AJUBA: variants seen among roughly 807,000 people sequenced by gnomAD.
AJUBA encodes the protein LIM domain-containing protein ajuba.
In AJUBA, 20 loss-of-function variants were observed where a neutral mutation model predicts 53.3. The observed-to-expected ratio is 0.38, with a 90% CI of 0.26 to 0.55. The LOEUF is 0.55. Among genes scored for constraint, AJUBA ranks in the 20% least tolerant of loss-of-function variants. AJUBA has a pLI of 0.80. For missense variants in AJUBA, 580 were observed against 730.5 expected (o/e 0.79, Z 2.38); for synonymous variants, 296 against 306.2 (o/e 0.97, Z 0.35).
At chr14:22,978,556 G>A (rs2045059232) in intron 1 of AJUBA, 111 bp from the exon 2 acceptor site, 1 of 1,496,702 alleles carries the variant, frequency 6.7e-7, no homozygotes. Flanking sequence ...TCCCTTTGAT[G>A]GGCTCCCTTC....
In AJUBA at chr14:22,974,979, G is replaced by A. The variant is rs1387088984; in HGVS notation, c.1365C>T (p.Tyr455=). The change falls in exon 5 of 8, where the codon TAC becomes TAT. Residue 455 remains tyrosine (Y), a synonymous_variant. Coordinates refer to ENST00000262713, the MANE Select transcript of AJUBA (RefSeq NM_032876.6). Reference sequence around the variant, plus strand: ...ATCCCAAGGGGCAGACTCACTTGTGGTAGTCGGTGACACAGTATACTTGGT... The same window carrying A: ...ATCCCAAGGGGCAGACTCACTTGTGATAGTCGGTGACACAGTATACTTGGT... ...FSNQVYCVTD[Y]HKNYAPKCAA... 1 of 1,614,192 alleles carries A rather than the reference G, an allele frequency of 6.2e-7. No individual in the cohort carries two copies. Among genetic ancestry groups the A allele is most frequent in the Non-Finnish European group, 8.5e-7 (1 of 1,179,998 alleles).
In AJUBA at chr14:22,981,437, T is replaced by C; in HGVS notation, c.830A>G (p.Gln277Arg). ...GCGAAGCAAAGCTGTTAGCTCGTCC[T>C]GGTACCGGGCGCCCACGGCGCAGTC... ...YGDCAVGARYQDELTALLRLT... is the reference protein window; with the variant it reads ...YGDCAVGARYRDELTALLRLT... The change falls in exon 1 of 8, where the codon CAG (glutamine) becomes CGG (arginine). Residue 277 changes from glutamine (Q) to arginine (R), a missense_variant. Transcript: ENST00000262713. 1 of 1,611,444 alleles carries C rather than the reference T, an allele frequency of 6.2e-7. No individual in the cohort carries two copies. Among genetic ancestry groups the C allele is most frequent in the South Asian group, 1.1e-5 (1 of 90,874 alleles).
chr14:22,979,330 C>T lies in AJUBA; in HGVS notation c.1007-885G>A, dbSNP rs1341983665. ...AGCAGATCCCAACGGGCCTGCCCCA[C>T]CTCTCCCCCTCGGCACGCTGCCACA... On this transcript the variant is annotated intron_variant, in intron 1 of 7. Transcript: ENST00000262713. This position sits in a 1 kb window ranked among gnomAD's most constrained non-coding sequence, Gnocchi z 4.0. Among the ~76,000 whole-genome samples the T allele has an allele frequency of 6.6e-6, 1 of 152,226 alleles. No homozygotes were observed. The highest frequency in any genetic ancestry group is 2.1e-4 in the South Asian group (1 of 4,834).
At chr14:22,978,868 A>C in intron 1 of AJUBA, 1 of 1,272,514 alleles carries the variant, frequency 7.9e-7, no homozygotes. Context: ...TACTTTCTAG[A>C]GAAAGCAGGC....
intron 4 of AJUBA, among the ~76,000 whole-genome samples, chr14:22,976,153 A>G (rs560203478): frequency 6.6e-6 from 1 of 151,114 alleles, no homozygotes; most frequent in East Asian, 1.9e-4. Context: ...TGTCTCAAAA[A>G]AAAAAAAAAA....
chr14:22,973,357 G>A lies in AJUBA; in HGVS notation c.*86C>T. On this transcript the variant is annotated 3_prime_UTR_variant, in exon 8 of 8. Transcript: ENST00000262713. ...GACTCTTCTGCCAGGCCTGCAGAGT[G>A]CATTCTTTGCCTTGGCTGGCCTCAG... 2 of 1,534,426 alleles carry A rather than the reference G, an allele frequency of 1.3e-6. No homozygotes were observed. The highest frequency in any genetic ancestry group is 1.4e-5 in the African/African-American group (1 of 73,042).
At chr14:22,977,609 TAGAC>T (rs1253138191) in intron 2 of AJUBA, 2 of 152,016 alleles carry the variant, frequency 1.3e-5, no homozygotes, top group Non-Finnish European at 1.5e-5. Context: ...AACAGAAGGA[TAGAC>T]AGACAGATGA....
Position 22,973,215 on chromosome 14 carries a change from G to A in AJUBA, c.*228C>T. 1.7e-6 allele frequency: 1 copy of A among 597,684 alleles called. No individual in the cohort carries two copies. Among genetic ancestry groups the A allele is most frequent in the South Asian group, 2.0e-5 (1 of 50,174 alleles). The allele number at this position is 597,684 out of a possible 1,614,324, so 37.0% of individuals were successfully genotyped here. A position where few individuals can be genotyped will look rare whatever the true frequency, so the allele number is the denominator to read the frequency against. On this transcript the variant is annotated 3_prime_UTR_variant, in exon 8 of 8. Coordinates refer to ENST00000262713, the MANE Select transcript of AJUBA (RefSeq NM_032876.6). The stretch of plus-strand genomic sequence containing the variant: ...TCCTGTGTGTGCCTAAGCTCAGACT[G>A]CACACATGGGAAAAAGGCCAGTCGC...
At position 22,976,417 on chromosome 14, in the gene AJUBA, C is replaced by A. The variant is rs367814359; in HGVS notation, c.1239+39G>T. 54 of 1,600,132 alleles carry A rather than the reference C, an allele frequency of 3.4e-5. No individual in the cohort carries two copies. The African/African-American group carries it at 5.8e-4, about 17-fold the overall frequency. On this transcript the variant is annotated intron_variant, in intron 4 of 7. Coordinates refer to ENST00000262713, the MANE Select transcript of AJUBA (RefSeq NM_032876.6). ...TTAGTCCCTGATCCCGCTCCTCAGC[C>A]TCACAGTGAGACTTCTCAGCTGAAA...
At chr14:22,978,999 G>A (rs2045063390) in intron 1 of AJUBA, 1 of 1,289,222 alleles carries the variant, frequency 7.8e-7, no homozygotes, top group Middle Eastern at 2.1e-4. Context: ...TGGCTTGGCA[G>A]AGGGCTCCGT....
chr14:22,976,401 G>A, intron 4 of AJUBA, 55 bp downstream of exon 4: 1 of 1,558,004 alleles, frequency 6.4e-7, no homozygotes, highest in Non-Finnish European at 8.9e-7. Flanking sequence ...TTTAGTCCCT[G>A]ATCCCGCTCC....
chr14:22,973,463 G>T lies in AJUBA; in HGVS notation c.1597C>A (p.Pro533Thr). 1 of 1,612,604 alleles carries T rather than the reference G, an allele frequency of 6.2e-7. No individual in the cohort carries two copies. Among genetic ancestry groups the T allele is most frequent in the Non-Finnish European group, 8.5e-7 (1 of 1,179,340 alleles). ...CHMQRLNARQ[P>T]PANYI ...GCAGCTCAGATATAGTTGGCAGGGGGTTGTCGGGCATTGAGCCGCTGCATG... is the reference window on the plus strand; with the variant it reads ...GCAGCTCAGATATAGTTGGCAGGGGTTTGTCGGGCATTGAGCCGCTGCATG... The change falls in exon 8 of 8, where the codon CCC becomes ACC. Residue 533 changes from proline (P) to threonine (T), a missense_variant. Pro to Thr is a conservative substitution (Grantham distance 38, BLOSUM62 -1). Around this residue, in one of 2 missense-constraint regions of AJUBA, gnomAD observed 150 missense variants for 259.0 expected, o/e 0.58. Transcript: ENST00000262713.
intron 7 of AJUBA, 67 bp downstream of exon 7, chr14:22,973,980 A>C: frequency 6.4e-7 from 1 of 1,571,316 alleles, no homozygotes; most frequent in Non-Finnish European, 8.8e-7. Context: ...TGGTTGTTGC[A>C]GGACTTGACT....
chr14:22,973,450 T>C lies in AJUBA; in HGVS notation c.1610A>G (p.Tyr537Cys), dbSNP rs747952521. The change falls in exon 8 of 8, where the codon TAT becomes TGT. Residue 537 changes from tyrosine (Y) to cysteine (C), a missense_variant. Physicochemically the swap from Tyr to Cys is radical, Grantham distance 194. Transcript: ENST00000262713. ...AGCAGCAGTGATTGCAGCTCAGATA[T>C]AGTTGGCAGGGGGTTGTCGGGCATT... is the stretch of plus-strand genomic sequence containing the variant. ...RLNARQPPAN[Y>C]I 3.0e-5 allele frequency: 49 copies of C among 1,610,222 alleles called. No individual in the cohort carries two copies. Among genetic ancestry groups the C allele is most frequent in the Non-Finnish European group, 3.8e-5 (45 of 1,178,292 alleles).
At chr14:22,980,584 TA>T in intron 1 of AJUBA, 2 of 985,326 alleles carry the variant, frequency 2.0e-6, no homozygotes, top group Non-Finnish European at 2.4e-6. Flanking sequence ...GGTCTCTGAT[TA>T]AATGCCCACG....
At chr14:22,974,531 T>C (rs754079531) in intron 6 of AJUBA, 16 of 456,628 alleles carry the variant, frequency 3.5e-5, no homozygotes, top group Non-Finnish European at 5.9e-5. Context: ...CTACCAGTGC[T>C]GAGGATTCTT....
chr14:22,978,597 C>T, intron 1 of AJUBA, 152 bp from the exon 2 acceptor site: 1 of 1,420,222 alleles, frequency 7.0e-7, no homozygotes, highest in Non-Finnish European at 9.2e-7. Flanking sequence ...TAATGAGATG[C>T]AGCAAGATCT....
chr14:22,974,599 C>G, intron 6 of AJUBA: 1 of 521,248 alleles, frequency 1.9e-6, no homozygotes, highest in South Asian at 2.8e-5. Flanking sequence ...CAAAGAAAGT[C>G]TCCTCCTCTG....
In AJUBA at chr14:22,981,457, G is replaced by C; in HGVS notation, c.810C>G (p.Cys270Trp). ...CGTCCTGGTACCGGGCGCCCACGGC[G>C]CAGTCCCCGTAGCCGGTCACAGAGT... ...GRHSVTGYGDCAVGARYQDEL... is the reference protein window; with the variant it reads ...GRHSVTGYGDWAVGARYQDEL... Residue 270 changes from cysteine (C) to tryptophan (W), a missense_variant, in exon 1 of 8, where the codon TGC becomes TGG. Cys to Trp is a radical substitution (Grantham distance 215). Transcript: ENST00000262713. 1 of 1,609,142 alleles carries C rather than the reference G, an allele frequency of 6.2e-7. No individual in the cohort carries two copies.
Sources: allele counts gnomAD v4.1 joint callset (sites outside exome capture counted in the v4.1 genomes callset), GRCh38; gene constraint gnomAD v4.1.1; regional missense constraint gnomAD v4.1.1; non-coding constraint Gnocchi (gnomAD v3.1); transcripts MANE v1.5; gene names NCBI Gene and HGNC (gene_info 2026-07-23, HGNC 2026-07-21).